The following LSM12 variants were observed in gnomAD, a reference collection of about 807,000 sequenced individuals.
LSM12 encodes the protein LSM12 homolog.
For missense variants in LSM12, 108 were observed against 238.9 expected (o/e 0.45, Z 3.61); for synonymous variants, 74 against 87.3 (o/e 0.85, Z 0.85).
At chr17:44,045,912 G>A (rs1486760524) in intron 2 of LSM12, among the ~76,000 whole-genome samples, 3 of 147,178 alleles carry the variant, frequency 2.0e-5, no homozygotes, top group African/African-American at 7.5e-5. Flanking sequence ...AAGTCTTTGT[G>A]TATGTAAAAG....
rs115790575 is a variant in LSM12, at chr17:44,040,091, C to T, written c.368+56G>A. The T allele has an allele frequency of 6.6e-4, 899 of 1,353,082 alleles. 4 individuals are homozygous for T. The African/African-American group carries it at 9.4e-3, about 14-fold the overall frequency. The allele number at this position is 1,353,082 out of a possible 1,614,324, so 83.8% of individuals were successfully genotyped here. A position where few individuals can be genotyped will look rare whatever the true frequency, so the allele number is the denominator to read the frequency against. Reference sequence around the variant, plus strand: ...AACCACCCAAAAGCCTGCCACCAGACAGCACAACCAGGTAGCATTACCCCA... The same window carrying T: ...AACCACCCAAAAGCCTGCCACCAGATAGCACAACCAGGTAGCATTACCCCA... On this transcript the variant is annotated intron_variant, in intron 3 of 4. Transcript: ENST00000293406.
intron 2 of LSM12, among the ~76,000 whole-genome samples, chr17:44,046,709 CAAAAAA>C (rs542504532): frequency 4.0e-4 from 17 of 42,700 alleles, no homozygotes. Flanking sequence ...GACTCCGTCT[CAAAAAA>C]AAAAAAAAAA....
At chr17:44,051,346 G>GTGCCA (rs2049640653) in intron 2 of LSM12, among the ~76,000 whole-genome samples, 1 of 146,022 alleles carries the variant, frequency 6.8e-6, no homozygotes, top group South Asian at 2.1e-4. Flanking sequence ...AACCAAGATC[G>GTGCCA]TGCCACTGCT....
chr17:44,064,061 A>G lies in LSM12; in HGVS notation c.125-127T>C, dbSNP rs557794447. On this transcript the variant is annotated intron_variant, in intron 1 of 4. Coordinates refer to ENST00000293406, the MANE Select transcript of LSM12 (RefSeq NM_001371445.1). ...GGCAGGCCAGGAGCATGAGGGCCTT[A>G]TAAGAATCACGGTTCTCCTCAGGAA... 17 of 1,007,878 alleles carry G rather than the reference A, an allele frequency of 1.7e-5. No individual in the cohort carries two copies. In the Admixed American group the frequency reaches 3.3e-4, roughly 19 times the overall value. 62.4% of individuals were successfully genotyped at this position (1,007,878 alleles called of 1,614,324 possible). A position where few individuals can be genotyped will look rare whatever the true frequency, so the allele number is the denominator to read the frequency against.
intron 4 of LSM12, 27 bp downstream of exon 4, chr17:44,037,385 C>T (rs1374832213): frequency 6.4e-7 from 1 of 1,563,282 alleles, no homozygotes; most frequent in Non-Finnish European, 8.6e-7. Flanking sequence ...CCTCTCTCCC[C>T]TAAAGTCTGA....
chr17:44,051,049 G>A (rs895261395), intron 2 of LSM12, among the ~76,000 whole-genome samples: 11 of 151,892 alleles, frequency 7.2e-5, no homozygotes, highest in Non-Finnish European at 1.5e-4. Context: ...TGAGGTGGGC[G>A]GATCACGAGG....
chr17:44,057,074 T>G (rs1291065436), intron 2 of LSM12, among the ~76,000 whole-genome samples: 1 of 151,866 alleles, frequency 6.6e-6, no homozygotes, highest in African/African-American at 2.4e-5. Flanking sequence ...GAGAACTGCT[T>G]TAGCACAGGA....
chr17:44,066,720 G>A (rs2049885832), upstream of LSM12: 22 of 1,152,530 alleles, frequency 1.9e-5, no homozygotes, highest in Non-Finnish European at 2.4e-5. Flanking sequence ...CCTGGCGCTG[G>A]TTGGGGCGGG....
intron 1 of LSM12, among the ~76,000 whole-genome samples, chr17:44,065,803 G>C (rs1430739810): frequency 6.6e-6 from 1 of 152,002 alleles, no homozygotes; most frequent in African/African-American, 2.4e-5. Flanking sequence ...CAGGTTTCCA[G>C]TGCAAACATC....
At chr17:44,052,713 C>T (rs559151599) in intron 2 of LSM12, among the ~76,000 whole-genome samples, 4 of 151,512 alleles carry the variant, frequency 2.6e-5, no homozygotes, top group Admixed American at 6.6e-5. Flanking sequence ...GAGCTGAGAC[C>T]GTGCCATTGA....
chr17:44,037,588 C>T (rs1322831629), intron 3 of LSM12, 50 bp from the exon 4 acceptor site: 3 of 1,531,264 alleles, frequency 2.0e-6, no homozygotes, highest in Non-Finnish European at 2.6e-6. Context: ...GGGCATCCCA[C>T]ATCTCCTGTC....
intron 3 of LSM12, among the ~76,000 whole-genome samples, chr17:44,039,057 C>T (rs902645168): frequency 6.6e-6 from 1 of 151,970 alleles, no homozygotes; most frequent in Non-Finnish European, 1.5e-5. Context: ...TCTGCTGTGA[C>T]AAAATGTTTT....
intron 1 of LSM12, among the ~76,000 whole-genome samples, chr17:44,064,562 G>A (rs1385790612): frequency 2.0e-5 from 3 of 150,452 alleles, no homozygotes; most frequent in South Asian, 2.1e-4. Context: ...GCAAAACCCC[G>A]TCACTACCAA....
intron 2 of LSM12, among the ~76,000 whole-genome samples, chr17:44,049,264 C>A (rs2049611768): frequency 6.6e-6 from 1 of 151,914 alleles, no homozygotes; most frequent in South Asian, 2.1e-4. Context: ...TGCTGGGTAA[C>A]CCTTATTTTT....
chr17:44,058,511 G>A (rs1000510946), intron 2 of LSM12, among the ~76,000 whole-genome samples: 1 of 151,880 alleles, frequency 6.6e-6, no homozygotes, highest in African/African-American at 2.4e-5. Context: ...AGACCATCCT[G>A]GGCCACACAG....
chr17:44,041,318 C>A lies in LSM12; in HGVS notation c.259-1062G>T, dbSNP rs970201453. On this transcript the variant is annotated intron_variant, in intron 2 of 4. Coordinates refer to ENST00000293406, the MANE Select transcript of LSM12 (RefSeq NM_001371445.1). ...ACACACACACACACACACACACACA[C>A]ACACACACACACACAAACACACACA... Among the ~76,000 whole-genome samples the A allele has an allele frequency of 3.4e-3, 490 of 144,228 alleles. 4 individuals are homozygous for A. The highest frequency in any genetic ancestry group is 0.012 in the African/African-American group (449 of 36,928). The allele number at this position is 144,228 out of a possible 152,430, so 94.6% of individuals were successfully genotyped here.
intron 2 of LSM12, among the ~76,000 whole-genome samples, chr17:44,053,957 A>C (rs1338020012): frequency 4.6e-5 from 7 of 151,948 alleles, no homozygotes; most frequent in Non-Finnish European, 1.0e-4. Flanking sequence ...CCACTGACCC[A>C]CCCTAATGTC....
In LSM12 at chr17:44,051,040, G is replaced by T. The variant is rs138291026; in HGVS notation, c.259-10784C>A. ...TGTAATCCCAACACTTTGGGAGGCTGAGGTGGGCGGATCACGAGGTCAAGA... is the reference window on the plus strand; with the variant it reads ...TGTAATCCCAACACTTTGGGAGGCTTAGGTGGGCGGATCACGAGGTCAAGA... On this transcript the variant is annotated intron_variant, in intron 2 of 4. Transcript: ENST00000293406. Among the ~76,000 whole-genome samples, 539 of 152,248 alleles carry T rather than the reference G, an allele frequency of 3.5e-3. 8 individuals carry two copies. Among genetic ancestry groups the T allele is most frequent in the Admixed American group, 0.028 (423 of 15,286 alleles).
intron 2 of LSM12, among the ~76,000 whole-genome samples, chr17:44,053,170 A>T (rs1597892201): frequency 6.6e-6 from 1 of 151,970 alleles, no homozygotes; most frequent in African/African-American, 2.4e-5. Flanking sequence ...AATGCTCACT[A>T]CTCTATACCA....
Sources: allele counts gnomAD v4.1 joint callset (sites outside exome capture counted in the v4.1 genomes callset), GRCh38; gene constraint gnomAD v4.1.1; transcripts MANE v1.5; gene names NCBI Gene and HGNC (gene_info 2026-07-23, HGNC 2026-07-21).